WDR70: variants seen among roughly 807,000 people sequenced by gnomAD.
WDR70 encodes WD repeat domain 70.
A neutral mutation model predicts 88.6 loss-of-function variants in WDR70; 53 were observed. The ratio of observed to expected loss-of-function variants is 0.60; its 90% CI spans 0.48 to 0.75. The LOEUF is 0.75. Ranked by LOEUF, WDR70 falls within the 30% of genes least tolerant of loss-of-function variation. The pLI is 0.00. For synonymous variants in WDR70, 280 were observed against 270.0 expected, an observed-to-expected ratio of 1.04 and a Z score of -0.36; for missense variants, 610 against 823.2, an observed-to-expected ratio of 0.74 and a Z score of 3.17.
intron 9 of WDR70, among the ~76,000 whole-genome samples, chr5:37,596,318 A>C (rs540623917): frequency 3.9e-5 from 6 of 152,318 alleles, no homozygotes; most frequent in African/African-American, 1.4e-4. Context: ...CTTGGCATCT[A>C]TAAACCAACA....
intron 9 of WDR70, among the ~76,000 whole-genome samples, chr5:37,540,641 A>G (rs988432791): frequency 3.3e-5 from 5 of 152,192 alleles, no homozygotes; most frequent in African/African-American, 1.2e-4. Context: ...CGGCCTCCCA[A>G]AGTGCTGGGA....
chr5:37,700,939 T>C, intron 11 of WDR70, 119 bp from the exon 12 acceptor site: 1 of 610,580 alleles, frequency 1.6e-6, no homozygotes. Context: ...CTTTCTCCCC[T>C]TCCCCTTCCC....
chr5:37,438,020 C>G, intron 6 of WDR70, 39 bp downstream of exon 6: 1 of 1,552,356 alleles, frequency 6.4e-7, no homozygotes, highest in East Asian at 2.3e-5. Flanking sequence ...TCTCAAATTA[C>G]AGGGCTGTCA....
chr5:37,461,159 A>G (rs149613991), intron 7 of WDR70, among the ~76,000 whole-genome samples: 1,792 of 151,930 alleles, frequency 0.012, 37 homozygotes, highest in African/African-American at 0.041. Flanking sequence ...AGAATAATGA[A>G]GAAGAATATG....
Position 37,726,943 on chromosome 5 carries a change from T to C in WDR70, c.1775T>C (p.Ile592Thr). Residue 592 changes from isoleucine (I) to threonine (T), a missense_variant, in exon 17 of 18, where the codon ATT (isoleucine) becomes ACT (threonine). Transcript: ENST00000265107. ...GTLSSYIVKN[I>T]ALDKTDDSNP... ...CTCTCTTCCTATATTGTGAAGAACA[T>C]TGCTTTGGACAAGACCGATGACAGT... 6.2e-7 allele frequency: 1 copy of C among 1,612,118 alleles called. No homozygotes were observed. The highest frequency in any genetic ancestry group is 8.5e-7 in the Non-Finnish European group (1 of 1,179,220).
At chr5:37,474,489 C>G (rs1037443777) in intron 7 of WDR70, among the ~76,000 whole-genome samples, 3 of 152,142 alleles carry the variant, frequency 2.0e-5, no homozygotes, top group Non-Finnish European at 4.4e-5. Flanking sequence ...GGAGGAATGT[C>G]ACTAGGCATG....
intron 9 of WDR70, among the ~76,000 whole-genome samples, chr5:37,552,927 T>C (rs1341810827): frequency 6.6e-6 from 1 of 152,228 alleles, no homozygotes; most frequent in African/African-American, 2.4e-5. Context: ...GAAGCCCTAA[T>C]TGTCAAGAGA....
intron 10 of WDR70, among the ~76,000 whole-genome samples, chr5:37,624,361 A>G (rs1030651985): frequency 2.0e-5 from 3 of 152,186 alleles, no homozygotes; most frequent in Non-Finnish European, 4.4e-5. Flanking sequence ...GTTACTGTGA[A>G]TGGCAGGATT....
chr5:37,685,131 G>A (rs1405408568), intron 10 of WDR70, among the ~76,000 whole-genome samples: 1 of 152,070 alleles, frequency 6.6e-6, no homozygotes, highest in Non-Finnish European at 1.5e-5. Context: ...TGGGGTGCTG[G>A]TGGGGGTGGG....
chr5:37,396,927 G>T (rs1204407998), intron 5 of WDR70, among the ~76,000 whole-genome samples: 1 of 152,224 alleles, frequency 6.6e-6, no homozygotes, highest in Non-Finnish European at 1.5e-5. Context: ...CGGATCGCTT[G>T]AGCTCAGGAA....
chr5:37,397,091 C>T (rs985130595), intron 5 of WDR70, among the ~76,000 whole-genome samples: 4 of 151,112 alleles, frequency 2.6e-5, no homozygotes, highest in African/African-American at 4.9e-5. Flanking sequence ...GCAGTGAGGT[C>T]GACAGATGGC....
intron 7 of WDR70, among the ~76,000 whole-genome samples, chr5:37,455,839 C>T (rs1235844911): frequency 2.6e-5 from 4 of 151,928 alleles, no homozygotes; most frequent in African/African-American, 9.7e-5. Flanking sequence ...CTATGATTAT[C>T]CTCCAAAGTT....
At chr5:37,506,935 C>T (rs1428682632) in intron 8 of WDR70, 1 of 783,940 alleles carries the variant, frequency 1.3e-6, no homozygotes, top group African/African-American at 1.7e-5. Context: ...CTCTTCCCAC[C>T]TTTCCCTTCC....
chr5:37,747,908 A>G (rs922084176), intron 17 of WDR70, among the ~76,000 whole-genome samples: 4 of 152,202 alleles, frequency 2.6e-5, no homozygotes, highest in African/African-American at 9.7e-5. Flanking sequence ...AGAGAATAAA[A>G]TACCTAGGAA....
At position 37,499,183 on chromosome 5, in the gene WDR70, G is replaced by A. The variant is rs373429500; in HGVS notation, c.841-17331G>A. ...GGCTGGAGTACAGTGGTGCAGTCTC[G>A]GCTCACTGCAACCTCCACTCCCCAG... is the stretch of plus-strand genomic sequence containing the variant. On this transcript the variant is annotated intron_variant, in intron 8 of 17. Transcript: ENST00000265107. Among the ~76,000 whole-genome samples the A allele has an allele frequency of 1.3e-4, 20 of 151,108 alleles. No individual in the cohort carries two copies. In the East Asian group the frequency reaches 2.3e-3, roughly 18 times the overall value.
intron 8 of WDR70, among the ~76,000 whole-genome samples, chr5:37,490,213 T>C (rs896173662): frequency 2.0e-5 from 3 of 152,094 alleles, no homozygotes; most frequent in African/African-American, 7.2e-5. Flanking sequence ...CCTTAAGGCC[T>C]CTGATGTTGT....
At chr5:37,601,965 A>G (rs962583169) in intron 9 of WDR70, among the ~76,000 whole-genome samples, 1 of 151,850 alleles carries the variant, frequency 6.6e-6, no homozygotes, top group African/African-American at 2.4e-5. Context: ...AAAGTAACAC[A>G]GGAACAGAAA....
intron 9 of WDR70, among the ~76,000 whole-genome samples, chr5:37,567,905 A>G (rs1742790004): frequency 6.6e-6 from 1 of 152,180 alleles, no homozygotes; most frequent in Non-Finnish European, 1.5e-5. Context: ...TAGGCCACAT[A>G]GTCTAAGGAT....
At chr5:37,471,547 C>T (rs566462429) in intron 7 of WDR70, among the ~76,000 whole-genome samples, 31 of 151,062 alleles carry the variant, frequency 2.1e-4, no homozygotes, top group Middle Eastern at 3.5e-3. Context: ...CATATTCACT[C>T]GCAATTTTTG....
Sources: allele counts gnomAD v4.1 joint callset (sites outside exome capture counted in the v4.1 genomes callset), GRCh38; gene constraint gnomAD v4.1.1; transcripts MANE v1.5; gene names NCBI Gene and HGNC (gene_info 2026-07-23, HGNC 2026-07-21).